The following PLPPR1 variants were observed in gnomAD, a reference collection of about 807,000 sequenced individuals.
The protein encoded by PLPPR1 is phospholipid phosphatase-related protein type 1.
Under a neutral mutation model 33.1 loss-of-function variants are expected in PLPPR1, and 10 were observed. The observed-to-expected ratio is 0.30, with a 90% CI of 0.19 to 0.51. The LOEUF (loss-of-function observed/expected upper bound fraction) is 0.51, where lower values mean the gene tolerates loss of function less well. PLPPR1 is among the 20% of genes least tolerant of loss of function. The pLI is 0.97. For synonymous variants in PLPPR1, 151 were observed against 151.0 expected, an observed-to-expected ratio of 1.00 and a Z score of 0.00; for missense variants, 304 against 408.1, an observed-to-expected ratio of 0.74 and a Z score of 2.20.
intron 1 of PLPPR1, among the ~76,000 whole-genome samples, chr9:101,159,977 C>T (rs998627129): frequency 1.3e-5 from 2 of 152,016 alleles, no homozygotes; most frequent in African/African-American, 2.4e-5. Context: ...GGTGCTAGAA[C>T]AAAATGTACT....
At chr9:101,127,759 G>T (rs891220477) in intron 1 of PLPPR1, among the ~76,000 whole-genome samples, 6 of 152,142 alleles carry the variant, frequency 3.9e-5, no homozygotes, top group Non-Finnish European at 7.3e-5. Flanking sequence ...AGGCCATGGG[G>T]GGTTTTAGAC....
At chr9:101,297,010 C>G (rs1828658392) in intron 4 of PLPPR1, among the ~76,000 whole-genome samples, 2 of 151,740 alleles carry the variant, frequency 1.3e-5, no homozygotes, top group Admixed American at 1.3e-4. Context: ...AAAAAGAATG[C>G]AACATTATAT....
At chr9:101,111,955 G>A (rs142087843) in intron 1 of PLPPR1, among the ~76,000 whole-genome samples, 45 of 152,246 alleles carry the variant, frequency 3.0e-4, no homozygotes, top group South Asian at 8.3e-4. Context: ...TAGATACAGC[G>A]TTGCTTCAGC....
At chr9:101,137,180 G>A (rs1486880337) in intron 1 of PLPPR1, among the ~76,000 whole-genome samples, 3 of 152,146 alleles carry the variant, frequency 2.0e-5, no homozygotes, top group Non-Finnish European at 4.4e-5. Context: ...TGTTCCTTAA[G>A]TCTTAAGAGC....
chr9:101,120,748 A>G (rs1831169495), intron 1 of PLPPR1, among the ~76,000 whole-genome samples: 1 of 43,884 alleles, frequency 2.3e-5, no homozygotes, highest in African/African-American at 6.2e-5. Context: ...ACACATCCCA[A>G]ATGGCTTAAG....
At chr9:101,060,493 G>A (rs1172485643) in intron 1 of PLPPR1, among the ~76,000 whole-genome samples, 2 of 151,814 alleles carry the variant, frequency 1.3e-5, no homozygotes, top group Non-Finnish European at 2.9e-5. Flanking sequence ...GATATGTGAG[G>A]TAATGCATAT....
intron 1 of PLPPR1, among the ~76,000 whole-genome samples, chr9:101,143,118 C>G (rs1403149359): frequency 6.6e-6 from 1 of 152,092 alleles, no homozygotes; most frequent in Non-Finnish European, 1.5e-5. Flanking sequence ...ACATCCAGTT[C>G]CTGCCTGTCT....
At chr9:101,184,336 A>C (rs1363834999) in intron 1 of PLPPR1, among the ~76,000 whole-genome samples, 1 of 151,902 alleles carries the variant, frequency 6.6e-6, no homozygotes, top group Non-Finnish European at 1.5e-5. Context: ...AAAGGGAAGG[A>C]TATGTATTTT....
intron 1 of PLPPR1, among the ~76,000 whole-genome samples, chr9:101,033,553 G>T (rs577785030): frequency 2.0e-4 from 30 of 152,264 alleles, no homozygotes; most frequent in Admixed American, 5.9e-4. Context: ...GGATTAAGGA[G>T]AGAAATAAGC....
intron 3 of PLPPR1, among the ~76,000 whole-genome samples, chr9:101,282,183 A>C (rs950557202): frequency 1.3e-5 from 2 of 152,170 alleles, no homozygotes; most frequent in Non-Finnish European, 2.9e-5. Context: ...TAACAAATCA[A>C]ACTTAACAGC....
intron 1 of PLPPR1, among the ~76,000 whole-genome samples, chr9:101,096,385 G>A (rs1830817841): frequency 1.3e-5 from 2 of 152,144 alleles, no homozygotes; most frequent in African/African-American, 4.8e-5. Flanking sequence ...CAATATCTGA[G>A]TGAGTGCACA....
At chr9:101,289,360 T>G (rs1417369452) in intron 4 of PLPPR1, among the ~76,000 whole-genome samples, 1 of 152,246 alleles carries the variant, frequency 6.6e-6, no homozygotes, top group Non-Finnish European at 1.5e-5. Context: ...TTACTCCTAT[T>G]AATTTATGAT....
At chr9:101,184,051 G>T (rs1826163967) in intron 1 of PLPPR1, among the ~76,000 whole-genome samples, 1 of 151,614 alleles carries the variant, frequency 6.6e-6, no homozygotes, top group South Asian at 2.1e-4. Context: ...AATTAAAATG[G>T]TTGTCCATTT....
intron 2 of PLPPR1, among the ~76,000 whole-genome samples, chr9:101,261,346 GTTTT>G (rs1564019741): frequency 1.3e-5 from 2 of 152,062 alleles, no homozygotes. Context: ...TTGTTGCTCA[GTTTT>G]TTTAACTAAG....
intron 1 of PLPPR1, among the ~76,000 whole-genome samples, chr9:101,170,000 G>A (rs1262548589): frequency 2.0e-5 from 3 of 151,806 alleles, no homozygotes; most frequent in African/African-American, 2.4e-5. Context: ...CAAGACCTAA[G>A]AGTCAATCAG....
At chr9:101,220,882 C>T (rs964794862) in intron 2 of PLPPR1, among the ~76,000 whole-genome samples, 10 of 152,146 alleles carry the variant, frequency 6.6e-5, no homozygotes, top group African/African-American at 1.9e-4. Context: ...CCCCATCAAA[C>T]GATATAGCCA....
At chr9:101,155,861 A>G (rs934418512) in intron 1 of PLPPR1, among the ~76,000 whole-genome samples, 4 of 152,144 alleles carry the variant, frequency 2.6e-5, no homozygotes, top group African/African-American at 9.7e-5. Flanking sequence ...CAGCCTCCCA[A>G]AGTGCTGGGA....
At chr9:101,076,393 T>A (rs1438822792) in intron 1 of PLPPR1, among the ~76,000 whole-genome samples, 1 of 152,188 alleles carries the variant, frequency 6.6e-6, no homozygotes, top group African/African-American at 2.4e-5. Context: ...TGGTACTTAC[T>A]CTTTTATGTA....
intron 3 of PLPPR1, among the ~76,000 whole-genome samples, chr9:101,271,034 A>G (rs1828090340): frequency 6.6e-6 from 1 of 152,194 alleles, no homozygotes; most frequent in Non-Finnish European, 1.5e-5. Flanking sequence ...CAGATGAGAA[A>G]TGGAATAGAA....
Sources: gnomAD v4.1 joint callset for allele counts (sites outside exome capture counted in the v4.1 genomes callset) on GRCh38, gnomAD v4.1.1 for gene constraint, MANE v1.5 for transcripts, NCBI Gene and HGNC (gene_info 2026-07-23, HGNC 2026-07-21) for gene names.